The following RAI14 variants were observed in gnomAD, a reference collection of about 807,000 sequenced individuals.
The protein encoded by RAI14 is ankycorbin.
A neutral mutation model predicts 115.4 loss-of-function variants in RAI14; 45 were observed. The observed-to-expected ratio is 0.39, with a 90% CI of 0.31 to 0.50. RAI14 has a LOEUF of 0.50. Among genes scored for constraint, RAI14 ranks in the 20% least tolerant of loss-of-function variants. The pLI is 0.85. For synonymous variants in RAI14, 371 were observed against 415.4 expected, an observed-to-expected ratio of 0.89 and a Z score of 1.30; for missense variants, 939 against 1,131.2, an observed-to-expected ratio of 0.83 and a Z score of 2.44.
In RAI14 at chr5:34,785,887, T is replaced by C. The variant is rs1580254983; in HGVS notation, c.168-10052T>C. Among the ~76,000 whole-genome samples the C allele has an allele frequency of 2.0e-5, 3 of 152,324 alleles. No homozygotes were observed. In the East Asian group the frequency reaches 5.8e-4, roughly 29 times the overall value. ...AACAATTTGAGTTGCCCCATTGTAA[T>C]CAGAATCAGTGACTCCTGTTTGTAT... On this transcript the variant is annotated intron_variant, in intron 3 of 17. Coordinates refer to ENST00000265109, the MANE Select transcript of RAI14 (RefSeq NM_015577.3).
intron 3 of RAI14, among the ~76,000 whole-genome samples, chr5:34,763,372 A>G (rs1748936742): frequency 6.6e-6 from 1 of 152,016 alleles, no homozygotes; most frequent in Non-Finnish European, 1.5e-5. Context: ...CTTTTCTAAG[A>G]CCTGTTGATA....
intron 2 of RAI14, among the ~76,000 whole-genome samples, chr5:34,754,113 G>C (rs1016619257): frequency 1.3e-5 from 2 of 151,958 alleles, no homozygotes; most frequent in Admixed American, 6.6e-5. Context: ...TATGGCACTG[G>C]ATAGAATAGT....
intron 1 of RAI14, among the ~76,000 whole-genome samples, chr5:34,673,319 A>G (rs1045352889): frequency 1.3e-5 from 2 of 152,204 alleles, no homozygotes; most frequent in Non-Finnish European, 2.9e-5. Flanking sequence ...TGTGAGGGCA[A>G]TGGGGCAGGA....
intron 2 of RAI14, among the ~76,000 whole-genome samples, chr5:34,745,235 C>T (rs1001450498): frequency 4.6e-5 from 7 of 152,160 alleles, no homozygotes; most frequent in African/African-American, 1.7e-4. Context: ...AAGGTACTAG[C>T]ACATACTCAA....
At chr5:34,692,830 C>T (rs1411282220) in intron 2 of RAI14, among the ~76,000 whole-genome samples, 1 of 152,116 alleles carries the variant, frequency 6.6e-6, no homozygotes, top group African/African-American at 2.4e-5. Flanking sequence ...AAGGGTACCA[C>T]AAACCAGGTG....
chr5:34,799,685 A>ATTTTTTTTTTTTTTTTTTTTTTTT (rs57115550), intron 4 of RAI14, among the ~76,000 whole-genome samples: 9 of 103,396 alleles, frequency 8.7e-5, no homozygotes, highest in African/African-American at 3.5e-4. Context: ...ATCTGTTAGC[A>ATTTTTTTTTTTTTTTTTTTTTTTT]TTTTTTTTTT....
intron 1 of RAI14, among the ~76,000 whole-genome samples, chr5:34,676,176 C>G (rs573357081): frequency 1.2e-4 from 18 of 152,230 alleles, no homozygotes; most frequent in African/African-American, 3.9e-4. Context: ...TTGATGGGCC[C>G]TTTTGGGTTT....
At chr5:34,692,630 C>T (rs1354916740) in intron 2 of RAI14, among the ~76,000 whole-genome samples, 1 of 149,576 alleles carries the variant, frequency 6.7e-6, no homozygotes, top group Non-Finnish European at 1.5e-5. Context: ...TTTTAATAGA[C>T]ATAATTTTAA....
intron 2 of RAI14, among the ~76,000 whole-genome samples, chr5:34,734,246 T>TGG (rs941863834): frequency 2.0e-4 from 31 of 152,172 alleles, no homozygotes; most frequent in Non-Finnish European, 3.2e-4. Flanking sequence ...GTCAGTGAAC[T>TGG]GGGGGGGCTG....
At chr5:34,800,973 C>T (rs1358034753) in intron 4 of RAI14, among the ~76,000 whole-genome samples, 2 of 152,148 alleles carry the variant, frequency 1.3e-5, no homozygotes, top group Non-Finnish European at 2.9e-5. Context: ...TGTGCTTGTC[C>T]ACAGAAACAG....
intron 2 of RAI14, among the ~76,000 whole-genome samples, chr5:34,720,503 C>T (rs1029246520): frequency 1.1e-4 from 17 of 148,722 alleles, no homozygotes; most frequent in African/African-American, 4.0e-4. Flanking sequence ...CTCCACCTCC[C>T]GGGTTCATGC....
At chr5:34,669,672 ATCAGTG>A (rs1561224545) in intron 1 of RAI14, among the ~76,000 whole-genome samples, 1 of 152,180 alleles carries the variant, frequency 6.6e-6, no homozygotes, top group Non-Finnish European at 1.5e-5. Flanking sequence ...TTTGTATAAT[ATCAGTG>A]TTTAGATTGT....
Position 34,823,446 on chromosome 5 carries a change from T to C in RAI14, c.1604T>C (p.Leu535Pro). The C allele has an allele frequency of 6.2e-7, 1 of 1,614,082 alleles. No individual in the cohort carries two copies. The highest frequency in any genetic ancestry group is 8.5e-7 in the Non-Finnish European group (1 of 1,180,024). ...LRVTEEEINV[L>P]KQDLQNALEE... ...GTCACGGAAGAGGAAATAAATGTGC[T>C]AAAGCAGGATCTGCAGAATGCATTA... Residue 535 changes from leucine (L) to proline (P), a missense_variant, in exon 15 of 18, where the codon CTA (leucine) becomes CCA (proline). Coordinates refer to ENST00000265109, the MANE Select transcript of RAI14 (RefSeq NM_015577.3). This position sits in a 1 kb window ranked among gnomAD's most constrained non-coding sequence, Gnocchi z 4.5.
intron 3 of RAI14, among the ~76,000 whole-genome samples, chr5:34,759,877 C>G (rs2150099605): frequency 6.6e-6 from 1 of 152,202 alleles, no homozygotes; most frequent in South Asian, 2.1e-4. Flanking sequence ...TGTAGGTGCT[C>G]TATATAAAGA....
At chr5:34,821,518 G>T (rs958032195) in intron 13 of RAI14, among the ~76,000 whole-genome samples, 1 of 151,992 alleles carries the variant, frequency 6.6e-6, no homozygotes. Context: ...GTGTACACAT[G>T]TATCTAGTAT....
At chr5:34,770,713 C>A (rs981893130) in intron 3 of RAI14, among the ~76,000 whole-genome samples, 1 of 151,928 alleles carries the variant, frequency 6.6e-6, no homozygotes, top group Admixed American at 6.6e-5. Context: ...AGCAGAGAGC[C>A]CAGTGAATAG....
intron 2 of RAI14, among the ~76,000 whole-genome samples, chr5:34,697,707 A>G: frequency 6.6e-6 from 1 of 152,176 alleles, no homozygotes; most frequent in East Asian, 1.9e-4. Context: ...CTGTAAGTTT[A>G]TGTTATAAGC....
intron 1 of RAI14, among the ~76,000 whole-genome samples, chr5:34,657,643 G>C (rs781085132): frequency 1.3e-5 from 2 of 152,228 alleles, no homozygotes; most frequent in Non-Finnish European, 2.9e-5. Context: ...TTCCTTCCGG[G>C]AGAGGAGAAT....
chr5:34,708,674 T>G (rs1410265203), intron 2 of RAI14, among the ~76,000 whole-genome samples: 1 of 152,238 alleles, frequency 6.6e-6, no homozygotes, highest in African/African-American at 2.4e-5. Flanking sequence ...TGCATTTATA[T>G]ATTTGGATGT....
Sources: gnomAD v4.1 joint callset for allele counts (sites outside exome capture counted in the v4.1 genomes callset) on GRCh38, gnomAD v4.1.1 for gene constraint, Gnocchi (gnomAD v3.1) non-coding constraint, MANE v1.5 for transcripts, NCBI Gene and HGNC (gene_info 2026-07-23, HGNC 2026-07-21) for gene names.